Variants in ABI3BP observed in about 807,000 individuals in gnomAD.
ABI3BP encodes ABI family member 3 binding protein.
Under a neutral mutation model 268.6 loss-of-function variants are expected in ABI3BP, and 216 were observed. That is an observed-to-expected ratio of 0.80 (90% confidence interval 0.72 to 0.90). ABI3BP has a LOEUF of 0.90. Ranked by LOEUF, ABI3BP falls within the 40% of genes least tolerant of loss-of-function variation. The probability of loss-of-function intolerance (pLI) is 0.00; values close to 1 mark genes in which losing one functional copy is unlikely to be tolerated. For missense variants in ABI3BP, 2,090 were observed against 2,182.4 expected (o/e 0.96, Z 0.84); for synonymous variants, 730 against 730.0 (o/e 1.00, Z 0.00).
chr3:100,887,279 T>C (rs570174827), intron 4 of ABI3BP, among the ~76,000 whole-genome samples: 20 of 152,058 alleles, frequency 1.3e-4, no homozygotes, highest in Non-Finnish European at 2.6e-4. Context: ...ATGGGAGAAC[T>C]ACATGTATCA....
chr3:100,818,242 G>A (rs2098115137), intron 41 of ABI3BP, among the ~76,000 whole-genome samples: 1 of 152,220 alleles, frequency 6.6e-6, no homozygotes. Flanking sequence ...ATTCGTGCTT[G>A]AAATGCAGCT....
At chr3:100,913,404 GGCCAGAACAGCA>G (rs2057478984) in intron 2 of ABI3BP, among the ~76,000 whole-genome samples, 1 of 152,128 alleles carries the variant, frequency 6.6e-6, no homozygotes, top group Non-Finnish European at 1.5e-5. Context: ...CATATGAAAA[GGCCAGAACAGCA>G]GCAACTGAAA....
intron 2 of ABI3BP, among the ~76,000 whole-genome samples, chr3:100,916,429 A>G (rs552202301): frequency 3.9e-5 from 6 of 152,328 alleles, no homozygotes; most frequent in African/African-American, 1.4e-4. Flanking sequence ...AAAGTACTGG[A>G]ACACTTATAG....
At chr3:100,990,856 A>G (rs1356119643) in intron 1 of ABI3BP, among the ~76,000 whole-genome samples, 1 of 152,058 alleles carries the variant, frequency 6.6e-6, no homozygotes, top group Non-Finnish European at 1.5e-5. Context: ...AAGTTACTGA[A>G]TCTGCCCTGC....
intron 1 of ABI3BP, among the ~76,000 whole-genome samples, chr3:100,979,879 T>C (rs1311162570): frequency 2.0e-5 from 3 of 152,238 alleles, no homozygotes; most frequent in African/African-American, 2.4e-5. Context: ...GGCACTGATA[T>C]GTTTTTGAAA....
intron 57 of ABI3BP, among the ~76,000 whole-genome samples, chr3:100,780,609 A>G (rs938178699): frequency 3.3e-5 from 5 of 152,166 alleles, no homozygotes; most frequent in African/African-American, 1.2e-4. Flanking sequence ...GCCCATTAAA[A>G]AAAACCCACA....
chr3:100,794,889 GCT>G (rs776006581), intron 54 of ABI3BP, 32 bp downstream of exon 54: 1 of 1,474,832 alleles, frequency 6.8e-7, no homozygotes, highest in East Asian at 2.5e-5. Flanking sequence ...TAAAAGGCAA[GCT>G]CTCTTTGAAC....
intron 1 of ABI3BP, among the ~76,000 whole-genome samples, chr3:100,971,018 T>A (rs10511181): frequency 1.3e-5 from 2 of 152,276 alleles, no homozygotes; most frequent in Non-Finnish European, 2.9e-5. Flanking sequence ...GCTGCTTTCT[T>A]GGTAATTATA....
chr3:100,928,761 G>A (rs542908915), intron 1 of ABI3BP, among the ~76,000 whole-genome samples: 16 of 152,106 alleles, frequency 1.1e-4, no homozygotes, highest in South Asian at 6.2e-4. Context: ...CGCCCAGCAC[G>A]TTAAAAGTGG....
At chr3:100,850,253 C>T in intron 16 of ABI3BP, 134 bp from the exon 17 acceptor site, 4 of 763,272 alleles carry the variant, frequency 5.2e-6, no homozygotes, top group South Asian at 1.8e-5. Flanking sequence ...TGCATGTAGT[C>T]TTGAAAGCTA....
chr3:100,893,571 C>T (rs1441608745), intron 4 of ABI3BP, among the ~76,000 whole-genome samples: 2 of 151,924 alleles, frequency 1.3e-5, no homozygotes, highest in African/African-American at 2.4e-5. Flanking sequence ...TTAGTGACCA[C>T]CAAGAGACAT....
At chr3:100,800,187 CT>C (rs1287527737) in intron 51 of ABI3BP, among the ~76,000 whole-genome samples, 2 of 151,536 alleles carry the variant, frequency 1.3e-5, no homozygotes, top group Admixed American at 6.6e-5. Flanking sequence ...TGTTGCAAAC[CT>C]ACTAAGTGAT....
intron 1 of ABI3BP, among the ~76,000 whole-genome samples, chr3:100,960,241 T>C (rs1303433710): frequency 6.6e-6 from 1 of 152,216 alleles, no homozygotes; most frequent in Non-Finnish European, 1.5e-5. Context: ...ATGAAGACTT[T>C]TTTAAAGTAG....
At chr3:100,824,734 G>A in intron 36 of ABI3BP, 124 bp downstream of exon 36, 1 of 702,664 alleles carries the variant, frequency 1.4e-6, no homozygotes. Context: ...TGGTACTGAT[G>A]ATGCCTTATG....
chr3:100,909,588 C>T (rs2055293858), intron 2 of ABI3BP, among the ~76,000 whole-genome samples: 1 of 151,768 alleles, frequency 6.6e-6, no homozygotes, highest in Non-Finnish European at 1.5e-5. Flanking sequence ...AACAAACATC[C>T]CCATCAAAAA....
intron 31 of ABI3BP, among the ~76,000 whole-genome samples, chr3:100,831,838 C>A (rs945861283): frequency 1.3e-5 from 2 of 152,180 alleles, no homozygotes; most frequent in Non-Finnish European, 2.9e-5. Context: ...CATAAACATG[C>A]TGCCTCATAT....
intron 44 of ABI3BP, among the ~76,000 whole-genome samples, chr3:100,814,368 T>C (rs1405841903): frequency 6.6e-6 from 1 of 152,108 alleles, no homozygotes; most frequent in Admixed American, 6.6e-5. Context: ...TTTTGTTCTA[T>C]ATTTTAGTTT....
chr3:100,847,997 T>C (rs2098793126), intron 18 of ABI3BP, among the ~76,000 whole-genome samples: 1 of 152,228 alleles, frequency 6.6e-6, no homozygotes, highest in Non-Finnish European at 1.5e-5. Context: ...TGTTATTCCC[T>C]TCTCCTTTTC....
At chr3:100,979,403 GT>G (rs1207493938) in intron 1 of ABI3BP, among the ~76,000 whole-genome samples, 5 of 152,078 alleles carry the variant, frequency 3.3e-5, no homozygotes, top group Non-Finnish European at 7.4e-5. Context: ...AGAGGTAAAT[GT>G]TTCTTGCCAT....
Sources: gnomAD v4.1 joint callset for allele counts (sites outside exome capture counted in the v4.1 genomes callset) on GRCh38, gnomAD v4.1.1 for gene constraint, MANE v1.5 for transcripts, NCBI Gene and HGNC (gene_info 2026-07-23, HGNC 2026-07-21) for gene names.